The following GLI2 variants were observed in gnomAD, a reference collection of about 807,000 sequenced individuals.
The protein encoded by GLI2 is transcription activator GLI2.
GLI2 carries 22 observed loss-of-function variants against 78.9 expected under a neutral mutation model. That is an observed-to-expected ratio of 0.28 (90% confidence interval 0.20 to 0.40). The LOEUF (loss-of-function observed/expected upper bound fraction) is 0.40. Among genes scored for constraint, GLI2 ranks in the 10% least tolerant of loss-of-function variants. The pLI, the probability that GLI2 is intolerant of heterozygous loss-of-function variation, is 1.00. For synonymous variants in GLI2, 974 were observed against 963.7 expected (o/e 1.01, Z -0.20); for missense variants, 2,097 against 2,213.2 (o/e 0.95, Z 1.05).
intron 8 of GLI2, among the ~76,000 whole-genome samples, chr2:120,974,112 T>C (rs1365570885): frequency 6.6e-6 from 1 of 152,100 alleles, no homozygotes; most frequent in Non-Finnish European, 1.5e-5. Context: ...TGCGAAGCAA[T>C]CTTGGTAACA....
chr2:120,984,240 C>T (rs372118687), intron 11 of GLI2, among the ~76,000 whole-genome samples: 10 of 152,262 alleles, frequency 6.6e-5, no homozygotes, highest in African/African-American at 2.2e-4. Flanking sequence ...CAGGACCCCC[C>T]GTGGCCGTGT....
intron 2 of GLI2, among the ~76,000 whole-genome samples, chr2:120,909,280 C>CCA (rs1678694174): frequency 1.3e-5 from 2 of 151,996 alleles, no homozygotes; most frequent in South Asian, 2.1e-4. Flanking sequence ...GGCCCTGCAG[C>CCA]CTCTTCTCAA....
chr2:120,741,753 C>T (rs1261980632), intron 1 of GLI2, among the ~76,000 whole-genome samples: 2 of 152,062 alleles, frequency 1.3e-5, no homozygotes, highest in African/African-American at 2.4e-5. Flanking sequence ...GCCCCGAGCG[C>T]CCCGGGCCCG....
intron 2 of GLI2, among the ~76,000 whole-genome samples, chr2:120,837,393 CAAAAAAAAA>C (rs768947767): frequency 7.7e-4 from 59 of 77,034 alleles, no homozygotes; most frequent in Middle Eastern, 6.0e-3. Flanking sequence ...GACTCCATCT[CAAAAAAAAA>C]AAAAAAAAAA....
chr2:120,926,196 CAGTT>C (rs1330240522), intron 2 of GLI2, among the ~76,000 whole-genome samples: 1 of 139,648 alleles, frequency 7.2e-6, no homozygotes, highest in Non-Finnish European at 1.5e-5. Context: ...TGCACAGAAA[CAGTT>C]AGTAGCATTA....
intron 2 of GLI2, among the ~76,000 whole-genome samples, chr2:120,838,879 G>A (rs1160494839): frequency 6.6e-6 from 1 of 152,184 alleles, no homozygotes; most frequent in Non-Finnish European, 1.5e-5. Flanking sequence ...TATAGCCTGG[G>A]TGTGTGGTAG....
intron 2 of GLI2, among the ~76,000 whole-genome samples, chr2:120,839,106 AAATT>A (rs747365017): frequency 9.2e-5 from 14 of 152,222 alleles, no homozygotes; most frequent in Admixed American, 2.6e-4. Flanking sequence ...ATTTTCAACT[AAATT>A]AACCTCATAA....
chr2:120,745,098 C>G (rs1341478037), intron 1 of GLI2, among the ~76,000 whole-genome samples: 1 of 152,214 alleles, frequency 6.6e-6, no homozygotes, highest in Non-Finnish European at 1.5e-5. Context: ...AGAGCAGGGT[C>G]TCTCTTTCAC....
At chr2:120,910,157 G>A (rs1225980682) in intron 2 of GLI2, among the ~76,000 whole-genome samples, 1 of 151,976 alleles carries the variant, frequency 6.6e-6, no homozygotes, top group African/African-American at 2.4e-5. Context: ...GGGGCATCTG[G>A]TCCACCCCTG....
chr2:120,817,413 A>T (rs761780587), intron 2 of GLI2, among the ~76,000 whole-genome samples: 3 of 152,160 alleles, frequency 2.0e-5, no homozygotes, highest in Non-Finnish European at 4.4e-5. Context: ...CCATCATGAC[A>T]GGCCCCCTCA....
intron 1 of GLI2, among the ~76,000 whole-genome samples, chr2:120,796,024 A>G (rs1263500329): frequency 6.6e-6 from 1 of 152,194 alleles, no homozygotes; most frequent in Non-Finnish European, 1.5e-5. Context: ...AGCCTGGGCA[A>G]CAAGAGTGAG....
intron 2 of GLI2, among the ~76,000 whole-genome samples, chr2:120,883,836 G>A (rs897731216): frequency 3.9e-5 from 6 of 152,130 alleles, no homozygotes; most frequent in Admixed American, 2.6e-4. Flanking sequence ...TGGGAGAGTC[G>A]GAGAGGTAGA....
Position 120,879,951 on chromosome 2 carries a change from G to A in GLI2, c.149-47410G>A, listed in dbSNP as rs1008656609. Among the ~76,000 whole-genome samples the A allele has an allele frequency of 3.9e-5, 6 of 152,338 alleles. No homozygotes were observed. The South Asian group carries it at 8.3e-4, about 21-fold the overall frequency. On this transcript the variant is annotated intron_variant, in intron 2 of 13. Transcript: ENST00000361492. ...TAGGATTTTAAGTGCTGGTTAAAAT[G>A]CTCATATAGGGAAGTGTGTATATTT...
chr2:120,798,280 A>G (rs1203384105), intron 2 of GLI2, among the ~76,000 whole-genome samples: 3 of 152,032 alleles, frequency 2.0e-5, no homozygotes, highest in African/African-American at 7.2e-5. Flanking sequence ...CGCCCCTCAC[A>G]CTTTGATGTA....
chr2:120,984,381 C>A (rs780874272), intron 11 of GLI2, 90 bp from the exon 12 acceptor site: 8 of 1,365,040 alleles, frequency 5.9e-6, no homozygotes, highest in Non-Finnish European at 8.4e-6. Flanking sequence ...TGCTGAGGGG[C>A]GTGGGTAGCT....
intron 5 of GLI2, among the ~76,000 whole-genome samples, chr2:120,968,473 A>T (rs1016982433): frequency 6.6e-6 from 1 of 152,186 alleles, no homozygotes; most frequent in African/African-American, 2.4e-5. Flanking sequence ...TCACTCGCCC[A>T]AACACCTTAC....
At chr2:120,868,264 G>A (rs1226521645) in intron 2 of GLI2, among the ~76,000 whole-genome samples, 1 of 151,742 alleles carries the variant, frequency 6.6e-6, no homozygotes, top group African/African-American at 2.4e-5. Context: ...ACAGCTTCCC[G>A]GGGGACCATG....
At chr2:120,859,148 G>A (rs1451210617) in intron 2 of GLI2, among the ~76,000 whole-genome samples, 2 of 152,242 alleles carry the variant, frequency 1.3e-5, no homozygotes, top group Non-Finnish European at 2.9e-5. Flanking sequence ...CTGGGACTCT[G>A]CCTTAGGATC....
chr2:120,810,881 G>A (rs1003872901), intron 2 of GLI2, among the ~76,000 whole-genome samples: 2 of 152,214 alleles, frequency 1.3e-5, no homozygotes, highest in Non-Finnish European at 2.9e-5. Flanking sequence ...CGCTGGCCTG[G>A]CATTCTGATA....
Sources: allele counts gnomAD v4.1 joint callset (sites outside exome capture counted in the v4.1 genomes callset), GRCh38; gene constraint gnomAD v4.1.1; transcripts MANE v1.5; gene names NCBI Gene and HGNC (gene_info 2026-07-23, HGNC 2026-07-21).